The following MTFR2 variants were observed in gnomAD, a reference collection of about 807,000 sequenced individuals.
The protein encoded by MTFR2 is DUF729 domain-containing protein 1.
A neutral mutation model predicts 41.2 loss-of-function variants in MTFR2; 44 were observed. The observed-to-expected ratio is 1.07, with a 90% CI of 0.84 to 1.37. The LOEUF (loss-of-function observed/expected upper bound fraction) is 1.37. MTFR2 is among the 40% of genes most tolerant of loss of function. The probability of loss-of-function intolerance (pLI) is 0.00; values close to 1 mark genes in which losing one functional copy is unlikely to be tolerated. For synonymous variants in MTFR2, 141 were observed against 154.6 expected, an observed-to-expected ratio of 0.91 and a Z score of 0.65; for missense variants, 452 against 459.5, an observed-to-expected ratio of 0.98 and a Z score of 0.15.
chr6:136,233,212 AT>A, intron 7 of MTFR2, 112 bp downstream of exon 7: 3 of 840,146 alleles, frequency 3.6e-6, no homozygotes, highest in Non-Finnish European at 5.4e-6. Flanking sequence ...TCAATAAACA[AT>A]TATATAGCCC....
chr6:136,231,577 C>T (rs1032241942), intron 7 of MTFR2, among the ~76,000 whole-genome samples, 189 bp from the exon 8 acceptor site: 3 of 147,552 alleles, frequency 2.0e-5, no homozygotes, highest in East Asian at 2.0e-4. Context: ...CAAAAGTGAA[C>T]GAGACACTCT....
At position 136,232,375 on chromosome 6, in the gene MTFR2, C is replaced by T. The variant is rs144881290; in HGVS notation, c.1044+950G>A. On this transcript the variant is annotated intron_variant, in intron 7 of 7. Transcript: ENST00000420702. Reference sequence around the variant, plus strand: ...GTTCAACCAATTCTCCTGCCTCAGCCTCCTGAGTAGCTGGAATTAATTACA... The same window carrying T: ...GTTCAACCAATTCTCCTGCCTCAGCTTCCTGAGTAGCTGGAATTAATTACA... 3.2e-3 allele frequency among the ~76,000 whole-genome samples: 489 copies of T among 152,308 alleles called. 4 individuals carry two copies. Among genetic ancestry groups the T allele is most frequent in the African/African-American group, 0.011 (454 of 41,568 alleles).
intron 7 of MTFR2, among the ~76,000 whole-genome samples, chr6:136,232,885 C>T (rs1254441461): frequency 2.0e-5 from 3 of 152,136 alleles, no homozygotes; most frequent in Admixed American, 6.6e-5. Flanking sequence ...TGCTTTTTTA[C>T]ATGCAGAGTT....
chr6:136,231,857 T>G (rs1779768725), intron 7 of MTFR2, among the ~76,000 whole-genome samples: 1 of 137,092 alleles, frequency 7.3e-6, no homozygotes, highest in African/African-American at 3.7e-5. Flanking sequence ...ATCCTCAAAT[T>G]TTCAAACATC....
In MTFR2 at chr6:136,241,674, T is replaced by C. The variant is rs372722168; in HGVS notation, c.284A>G (p.Asn95Ser). ...CTCTTCTTCATTTTTCCATATACTA[T>C]TTCTGTGGGTGAAAAAAAATAGGAA... ...DEEASYLRFR[N>S]SIWKNEEEKV... The change falls in exon 5 of 8, where the codon AAT (asparagine) becomes AGT (serine). Residue 95 changes from asparagine (N) to serine (S), a missense_variant and splice_region_variant. Coordinates refer to ENST00000420702, the MANE Select transcript of MTFR2 (RefSeq NM_001099286.3). 2 of 1,602,000 alleles carry C rather than the reference T, an allele frequency of 1.2e-6. No homozygotes were observed. Among genetic ancestry groups the C allele is most frequent in the East Asian group, 2.2e-5 (1 of 44,828 alleles).
intron 7 of MTFR2, 87 bp downstream of exon 7, chr6:136,233,238 C>T (rs1191721472): frequency 1.7e-6 from 2 of 1,184,490 alleles, no homozygotes; most frequent in Non-Finnish European, 2.4e-6. Context: ...TGCACAATTA[C>T]TTCAAGAGAA....
intron 1 of MTFR2, 104 bp downstream of exon 1, chr6:136,249,872 G>C (rs888384754): frequency 6.6e-6 from 1 of 152,142 alleles, no homozygotes; most frequent in Non-Finnish European, 1.5e-5. Context: ...ACGTGACTTG[G>C]TCACCCATCT....
intron 5 of MTFR2, among the ~76,000 whole-genome samples, chr6:136,240,050 C>T (rs186470623): frequency 4.1e-4 from 61 of 150,246 alleles, no homozygotes; most frequent in Admixed American, 3.0e-3. Flanking sequence ...AAGAGCAGAG[C>T]GGGGAGGAGA....
rs766774654 is a variant in MTFR2 at position 136,241,630 on chromosome 6, G to C, written c.328C>G (p.Pro110Ala). Residue 110 changes from proline (P) to alanine (A), a missense_variant, in exon 5 of 8, where the codon CCT (proline) becomes GCT (alanine). Physicochemically the swap from Pro to Ala is conservative, Grantham distance 27. Transcript: ENST00000420702. Reference protein sequence around the residue: ...NEEEKVEIFHPLRLVRDPLSP... With the variant: ...NEEEKVEIFHALRLVRDPLSP... ...AGTGGATCCCGAACTAGTCGCAAAG[G>C]ATGAAAAATTTCCACTTTCTCTTCT... is the stretch of plus-strand genomic sequence containing the variant. The C allele has an allele frequency of 1.1e-5, 18 of 1,612,892 alleles. No individual in the cohort carries two copies. Among genetic ancestry groups the C allele is most frequent in the African/African-American group, 1.3e-5 (1 of 74,782 alleles).
At position 136,231,308 on chromosome 6, in the gene MTFR2, G is replaced by C; in HGVS notation, c.1125C>G (p.Ile375Met). 9 of 1,612,650 alleles carry C rather than the reference G, an allele frequency of 5.6e-6. No individual in the cohort carries two copies. Among genetic ancestry groups the C allele is most frequent in the Non-Finnish European group, 7.6e-6 (9 of 1,179,460 alleles). Residue 375 changes from isoleucine to methionine, a missense_variant, in exon 8 of 8, where the codon ATC (isoleucine) becomes ATG (methionine). Coordinates refer to ENST00000420702, the MANE Select transcript of MTFR2 (RefSeq NM_001099286.3). Reference protein sequence around the residue: ...MVNTKAVDQGISNTSLLNSRI With the variant: ...MVNTKAVDQGMSNTSLLNSRI Reference sequence around the variant, plus strand: ...TTGAGTTTAGAAGGCTTGTGTTGCTGATACCTTGGTCAACAGCTTTTGTGT... The same window carrying C: ...TTGAGTTTAGAAGGCTTGTGTTGCTCATACCTTGGTCAACAGCTTTTGTGT...
At chr6:136,244,994 T>TC in intron 2 of MTFR2, 125 bp from the exon 3 acceptor site, 1 of 602,160 alleles carries the variant, frequency 1.7e-6, no homozygotes, top group Non-Finnish European at 2.8e-6. Flanking sequence ...ATACAGGGAG[T>TC]CCTGTAAAAT....
At chr6:136,243,535 C>T (rs927273499) in intron 3 of MTFR2, among the ~76,000 whole-genome samples, 2 of 151,828 alleles carry the variant, frequency 1.3e-5, no homozygotes, top group East Asian at 1.9e-4. Context: ...AGCAAGATCC[C>T]GTCTCTACCA....
intron 4 of MTFR2, among the ~76,000 whole-genome samples, 174 bp downstream of exon 4, chr6:136,242,687 A>C (rs540417524): frequency 6.6e-6 from 1 of 152,244 alleles, no homozygotes; most frequent in African/African-American, 2.4e-5. Flanking sequence ...TAAAAAAAAA[A>C]CAACTGGCTA....
intron 4 of MTFR2, 77 bp from the exon 5 acceptor site, chr6:136,241,753 C>T (rs1427333039): frequency 6.1e-5 from 67 of 1,102,688 alleles, no homozygotes; most frequent in South Asian, 5.6e-4. Flanking sequence ...TACACTCCTA[C>T]GTGAAAATCA....
rs776423940 is a variant in MTFR2 at position 136,239,713 on chromosome 6, G to A, written c.622C>T (p.Pro208Ser). The change falls in exon 6 of 8, where the codon CCT (proline) becomes TCT (serine). Residue 208 changes from proline to serine, a missense_variant. Physicochemically the swap from Pro to Ser is moderately conservative, Grantham distance 74. Transcript: ENST00000420702. ...GGAGGAAGTGGTGGAGGAGGAGGAGGAGAAAGCACTGAACCTGGAAGCTGA... is the reference window on the plus strand; with the variant it reads ...GGAGGAAGTGGTGGAGGAGGAGGAGAAGAAAGCACTGAACCTGGAAGCTGA... ...PDQLPGSVLS[P>S]PPPPPLPPQF... 2.5e-6 allele frequency: 4 copies of A among 1,613,950 alleles called. No individual in the cohort carries two copies. The highest frequency in any genetic ancestry group is 3.4e-6 in the Non-Finnish European group (4 of 1,180,018).
rs148100609 is a variant in MTFR2, at chr6:136,236,742, C to T, written c.869+2724G>A. Among the ~76,000 whole-genome samples the T allele has an allele frequency of 5.0e-4, 76 of 152,262 alleles. 1 individual carries two copies. In the East Asian group the frequency reaches 0.012, roughly 25 times the overall value. On this transcript the variant is annotated intron_variant, in intron 6 of 7. Transcript: ENST00000420702. ...ATCGTTGCAAGGATCAAACTCACAA[C>T]CTCATTAAAAACAGAACTGACTTAT...
intron 2 of MTFR2, among the ~76,000 whole-genome samples, chr6:136,247,942 G>T (rs1343165888): frequency 1.3e-5 from 2 of 152,020 alleles, no homozygotes; most frequent in Non-Finnish European, 2.9e-5. Context: ...CCAATTGTCT[G>T]AAGGATATTT....
At chr6:136,232,526 G>A (rs890346308) in intron 7 of MTFR2, among the ~76,000 whole-genome samples, 1 of 152,158 alleles carries the variant, frequency 6.6e-6, no homozygotes, top group African/African-American at 2.4e-5. Flanking sequence ...CTCCCAAAGT[G>A]CTGGGATGAC....
At chr6:136,244,239 T>A (rs1780156990) in intron 3 of MTFR2, among the ~76,000 whole-genome samples, 3 of 152,208 alleles carry the variant, frequency 2.0e-5, no homozygotes, top group African/African-American at 7.2e-5. Flanking sequence ...CACTCACCAC[T>A]CACTGACTCA....
Sources: gnomAD v4.1 joint callset for allele counts (sites outside exome capture counted in the v4.1 genomes callset) on GRCh38, gnomAD v4.1.1 for gene constraint, MANE v1.5 for transcripts, NCBI Gene and HGNC (gene_info 2026-07-23, HGNC 2026-07-21) for gene names.